ACSL4: variants seen among roughly 807,000 people sequenced by gnomAD.
The protein encoded by ACSL4 is long-chain-fatty-acid--CoA ligase 4.
ACSL4 carries 9 observed loss-of-function variants against 49.1 expected under a neutral mutation model. The ratio of observed to expected loss-of-function variants is 0.18; its 90% CI spans 0.11 to 0.32. ACSL4 has a LOEUF of 0.32. Ranked by LOEUF, ACSL4 falls within the 10% of genes least tolerant of loss-of-function variation. The probability of loss-of-function intolerance (pLI) is 1.00; values close to 1 mark genes in which losing one functional copy is unlikely to be tolerated. For missense variants in ACSL4, 333 were observed against 493.7 expected, an observed-to-expected ratio of 0.67 and a Z score of 3.08; for synonymous variants, 191 against 170.3, an observed-to-expected ratio of 1.12 and a Z score of -0.95.
chrX:109,697,913 G>T (rs991604728), intron 1 of ACSL4, among the ~76,000 whole-genome samples: 3 of 109,896 alleles, frequency 2.7e-5, no homozygotes, highest in Non-Finnish European at 5.7e-5. Context: ...AAAGGTAGAA[G>T]TTGCAGGGGA....
intron 1 of ACSL4, among the ~76,000 whole-genome samples, chrX:109,729,884 T>C (rs890799509): frequency 8.9e-6 from 1 of 112,431 alleles, no homozygotes; most frequent in African/African-American, 3.2e-5. Context: ...GTGATTCATT[T>C]ATATAAGCAT....
At chrX:109,686,952 G>A (rs754198144) in intron 2 of ACSL4, among the ~76,000 whole-genome samples, 4 of 111,959 alleles carry the variant, frequency 3.6e-5, no homozygotes, top group Admixed American at 1.9e-4. Flanking sequence ...AAACACAAGC[G>A]TAGATGAAAG....
At chrX:109,651,025 G>A (rs1410877319) in intron 15 of ACSL4, among the ~76,000 whole-genome samples, 2 of 111,897 alleles carry the variant, frequency 1.8e-5, no homozygotes, top group Non-Finnish European at 3.8e-5. Context: ...AATGAATATT[G>A]TATTTGAGTT....
intron 9 of ACSL4, among the ~76,000 whole-genome samples, chrX:109,672,432 T>C (rs1014234964): frequency 3.6e-5 from 4 of 111,635 alleles, no homozygotes; most frequent in South Asian, 3.7e-4. Context: ...TTGTAACACA[T>C]TGGCAGAGTT....
At chrX:109,716,612 A>G (rs1252820127) in intron 1 of ACSL4, among the ~76,000 whole-genome samples, 1 of 112,484 alleles carries the variant, frequency 8.9e-6, no homozygotes, top group East Asian at 2.8e-4. Flanking sequence ...GGAATGGGTT[A>G]GTTCCACTGT....
At chrX:109,702,342 A>G (rs1926034557) in intron 1 of ACSL4, among the ~76,000 whole-genome samples, 1 of 112,459 alleles carries the variant, frequency 8.9e-6, no homozygotes, top group Non-Finnish European at 1.9e-5. Context: ...TATCACAATT[A>G]AGTTAACCCA....
intron 2 of ACSL4, among the ~76,000 whole-genome samples, chrX:109,684,753 C>T (rs920069373): frequency 9.0e-6 from 1 of 111,144 alleles, no homozygotes; most frequent in Non-Finnish European, 1.9e-5. Context: ...TTAAGCTGGA[C>T]CTTATGTTGG....
chrX:109,685,218 G>A (rs1266350419), intron 2 of ACSL4, among the ~76,000 whole-genome samples: 4 of 105,058 alleles, frequency 3.8e-5, no homozygotes, highest in Non-Finnish European at 7.7e-5. Context: ...TCAGCCTCCC[G>A]AGTAGCTGGG....
intron 1 of ACSL4, among the ~76,000 whole-genome samples, chrX:109,730,612 G>T (rs4893538): frequency 0.43 from 47,359 of 111,413 alleles, 8,235 homozygotes; most frequent in Middle Eastern, 0.61. Flanking sequence ...CCTGACATAC[G>T]TGACAGATGA....
chrX:109,721,086 T>C (rs1268561475), intron 1 of ACSL4, among the ~76,000 whole-genome samples: 2 of 112,695 alleles, frequency 1.8e-5, no homozygotes, highest in Non-Finnish European at 3.7e-5. Context: ...TCAGTCGTCA[T>C]GTGGAACATA....
At chrX:109,698,235 CAAAGA>C (rs1925606352) in intron 1 of ACSL4, among the ~76,000 whole-genome samples, 1 of 111,856 alleles carries the variant, frequency 8.9e-6, no homozygotes, top group Non-Finnish European at 1.9e-5. Context: ...AGCTACCCAG[CAAAGA>C]AAAGGAAACC....
chrX:109,646,252 T>C (rs1256680083), intron 15 of ACSL4, among the ~76,000 whole-genome samples: 2 of 110,689 alleles, frequency 1.8e-5, no homozygotes, highest in Non-Finnish European at 3.8e-5. Flanking sequence ...AAGGAAAAAA[T>C]GTTAAGGGCA....
At chrX:109,646,751 A>G (rs1303173452) in intron 15 of ACSL4, among the ~76,000 whole-genome samples, 22 of 111,141 alleles carry the variant, frequency 2.0e-4, no homozygotes, top group African/African-American at 7.2e-4. Flanking sequence ...GTCAAGACCC[A>G]TCAGTGTGCT....
At chrX:109,693,984 T>G (rs1197991595) in intron 2 of ACSL4, among the ~76,000 whole-genome samples, 3 of 112,117 alleles carry the variant, frequency 2.7e-5, no homozygotes, top group African/African-American at 9.7e-5. Context: ...TATAGAAGTT[T>G]GAATACTACC....
intron 13 of ACSL4, among the ~76,000 whole-genome samples, chrX:109,662,460 A>C (rs1922251963): frequency 9.0e-6 from 1 of 111,495 alleles, no homozygotes; most frequent in Non-Finnish European, 1.9e-5. Flanking sequence ...CGATGGATTG[A>C]AATCAGTCAC....
At chrX:109,669,356 TA>T (rs1302746791) in intron 9 of ACSL4, among the ~76,000 whole-genome samples, 183 bp from the exon 10 acceptor site, 2 of 110,357 alleles carry the variant, frequency 1.8e-5, no homozygotes, top group East Asian at 5.7e-4. Flanking sequence ...AGGACAGATA[TA>T]GGGGTTTCTT....
intron 9 of ACSL4, 62 bp downstream of exon 9, chrX:109,674,340 A>G: frequency 2.1e-6 from 2 of 948,040 alleles, no homozygotes; most frequent in Non-Finnish European, 3.0e-6. Flanking sequence ...TAAAAGGTCC[A>G]AGTACGATCA....
At chrX:109,645,723 C>T (rs1246571668) in intron 15 of ACSL4, among the ~76,000 whole-genome samples, 1 of 111,700 alleles carries the variant, frequency 9.0e-6, no homozygotes. Context: ...CAAATTACTC[C>T]GAGCTACGGG....
chrX:109,647,707 A>C (rs1169686594), intron 15 of ACSL4, among the ~76,000 whole-genome samples: 3 of 111,562 alleles, frequency 2.7e-5, no homozygotes, highest in Non-Finnish European at 5.6e-5. Context: ...GACACAAAAA[A>C]CCCTTCAAAA....
Sources: allele counts gnomAD v4.1 joint callset (sites outside exome capture counted in the v4.1 genomes callset), GRCh38; gene constraint gnomAD v4.1.1; transcripts MANE v1.5; gene names NCBI Gene and HGNC (gene_info 2026-07-23, HGNC 2026-07-21).